The following EYS variants were observed in gnomAD, a reference collection of about 807,000 sequenced individuals.
EYS encodes protein eyes shut homolog.
Under a neutral mutation model 282.1 loss-of-function variants are expected in EYS, and 250 were observed. That is an observed-to-expected ratio of 0.89 (90% CI 0.80 to 0.98). The LOEUF (loss-of-function observed/expected upper bound fraction) is 0.98, where lower values mean the gene tolerates loss of function less well. Ranked by LOEUF, EYS falls within the 50% of genes least tolerant of loss-of-function variation. The pLI, the probability that EYS is intolerant of heterozygous loss-of-function variation, is 0.00. For synonymous variants in EYS, 1,355 were observed against 1,282.9 expected (o/e 1.06, Z -1.20); for missense variants, 4,016 against 3,709.0 (o/e 1.08, Z -2.15).
Position 63,761,713 on chromosome 6 carries a change from G to A in EYS, c.8071+748C>T, listed in dbSNP as rs555358967. 3.3e-5 allele frequency among the ~76,000 whole-genome samples: 5 copies of A among 152,082 alleles called. No homozygotes were observed. The South Asian group carries it at 8.3e-4, about 25-fold the overall frequency. On this transcript the variant is annotated intron_variant, in intron 41 of 42. Transcript: ENST00000503581. ...TAAAGCTTCATCTTCTGGGTGGTGG[G>A]TGAGGCAGGATAGAGAAATAGTAGA...
At chr6:65,475,615 G>A (rs942203477) in intron 5 of EYS, among the ~76,000 whole-genome samples, 6 of 152,066 alleles carry the variant, frequency 3.9e-5, no homozygotes, top group African/African-American at 1.4e-4. Flanking sequence ...TAACATCTGG[G>A]ATTTACTCAG....
intron 26 of EYS, among the ~76,000 whole-genome samples, chr6:64,560,235 T>G (rs1463328187): frequency 6.6e-6 from 1 of 151,872 alleles, no homozygotes; most frequent in Non-Finnish European, 1.5e-5. Flanking sequence ...ACTTTATGAC[T>G]AATCCTTATG....
chr6:65,540,877 C>T (rs780944774), intron 2 of EYS, among the ~76,000 whole-genome samples: 1 of 152,094 alleles, frequency 6.6e-6, no homozygotes, highest in Non-Finnish European at 1.5e-5. Context: ...GAGCCGAGAT[C>T]ACGCCATTGC....
chr6:64,851,030 G>T (rs9453090), intron 19 of EYS, among the ~76,000 whole-genome samples: 84,600 of 151,846 alleles, frequency 0.56, 24,292 homozygotes, highest in Non-Finnish European at 0.62. Context: ...GTACATTGTG[G>T]TGGTTTGGCA....
At chr6:64,948,961 T>C (rs1049220182) in intron 14 of EYS, among the ~76,000 whole-genome samples, 1 of 151,930 alleles carries the variant, frequency 6.6e-6, no homozygotes, top group East Asian at 1.9e-4. Context: ...TAGTTGTAAA[T>C]GCATAAACTA....
intron 5 of EYS, among the ~76,000 whole-genome samples, chr6:65,443,291 T>G (rs1268052504): frequency 7.7e-6 from 1 of 130,286 alleles, no homozygotes; most frequent in African/African-American, 2.5e-5. Context: ...TGCATGCATA[T>G]ATGCATACAT....
chr6:64,647,226 T>C (rs1420653287), intron 22 of EYS, among the ~76,000 whole-genome samples: 1 of 152,088 alleles, frequency 6.6e-6, no homozygotes, highest in African/African-American at 2.4e-5. Flanking sequence ...TTTAGTAAAG[T>C]ACCTCCTGAC....
At chr6:63,810,759 C>T (rs1489311496) in intron 36 of EYS, among the ~76,000 whole-genome samples, 2 of 152,216 alleles carry the variant, frequency 1.3e-5, no homozygotes, top group Non-Finnish European at 2.9e-5. Flanking sequence ...AATCCTACTA[C>T]ATATTTCCAG....
chr6:64,024,747 A>C (rs528966888), intron 33 of EYS, among the ~76,000 whole-genome samples: 1 of 152,128 alleles, frequency 6.6e-6, no homozygotes, highest in South Asian at 2.1e-4. Context: ...TGTAACACTC[A>C]CTGCAAAGGT....
chr6:65,223,091 A>T (rs1222642971), intron 12 of EYS, among the ~76,000 whole-genome samples: 2 of 152,138 alleles, frequency 1.3e-5, no homozygotes. Flanking sequence ...TGTCAGAATC[A>T]ACTGTTTTAA....
At chr6:65,626,045 G>GCAAT (rs1281954182) in intron 2 of EYS, among the ~76,000 whole-genome samples, 1 of 152,100 alleles carries the variant, frequency 6.6e-6, no homozygotes, top group African/African-American at 2.4e-5. Context: ...CTTCCAGGTA[G>GCAAT]CAATCATGAT....
chr6:64,167,537 AT>A (rs1204262549), intron 31 of EYS, among the ~76,000 whole-genome samples: 7 of 152,142 alleles, frequency 4.6e-5, no homozygotes, highest in African/African-American at 1.7e-4. Flanking sequence ...TTCTCAGACT[AT>A]TCATTCAAAT....
intron 11 of EYS, among the ~76,000 whole-genome samples, chr6:65,316,849 T>C (rs559243461): frequency 4.6e-5 from 7 of 152,196 alleles, no homozygotes; most frequent in African/African-American, 1.7e-4. Flanking sequence ...ATGTTGTATA[T>C]GTGCCACATT....
At chr6:65,391,101 C>T (rs770257131) in intron 7 of EYS, among the ~76,000 whole-genome samples, 4 of 151,838 alleles carry the variant, frequency 2.6e-5, no homozygotes, top group Non-Finnish European at 4.4e-5. Flanking sequence ...CTGCACATGT[C>T]TGTACTTATT....
intron 22 of EYS, among the ~76,000 whole-genome samples, chr6:64,703,370 A>AACACACACACAG (rs1380429742): frequency 1.2e-5 from 1 of 80,314 alleles, no homozygotes; most frequent in Non-Finnish European, 2.8e-5. Flanking sequence ...TACACATACA[A>AACACACACACAG]ACACACACAC....
At chr6:65,461,174 A>G (rs1193105917) in intron 5 of EYS, among the ~76,000 whole-genome samples, 1 of 152,096 alleles carries the variant, frequency 6.6e-6, no homozygotes, top group East Asian at 1.9e-4. Flanking sequence ...AATTAACTCT[A>G]CCATTGTTTA....
At chr6:64,194,202 T>G (rs923247561) in intron 31 of EYS, among the ~76,000 whole-genome samples, 28 of 152,114 alleles carry the variant, frequency 1.8e-4, no homozygotes, top group Admixed American at 1.3e-3. Context: ...ACTTAGTACC[T>G]GGAAGAACAC....
intron 26 of EYS, among the ~76,000 whole-genome samples, chr6:64,469,276 T>G (rs1268713858): frequency 6.6e-6 from 1 of 152,140 alleles, no homozygotes; most frequent in South Asian, 2.1e-4. Flanking sequence ...AAAACTAGGA[T>G]GTGGGCGGCA....
At chr6:64,966,040 T>C (rs1195890414) in intron 14 of EYS, among the ~76,000 whole-genome samples, 1 of 152,014 alleles carries the variant, frequency 6.6e-6, no homozygotes, top group Non-Finnish European at 1.5e-5. Flanking sequence ...GGTTGCGAAA[T>C]GGGTATAAAG....
Sources: allele counts gnomAD v4.1 joint callset (sites outside exome capture counted in the v4.1 genomes callset), GRCh38; gene constraint gnomAD v4.1.1; transcripts MANE v1.5; gene names NCBI Gene and HGNC (gene_info 2026-07-23, HGNC 2026-07-21).